HS3ST4: variants seen among roughly 807,000 people sequenced by gnomAD.
HS3ST4 encodes the protein heparan sulfate-glucosamine 3-sulfotransferase 4.
A neutral mutation model predicts 29.2 loss-of-function variants in HS3ST4; 17 were observed. That is an observed-to-expected ratio of 0.58 (90% CI 0.40 to 0.87). HS3ST4 has a LOEUF of 0.87. HS3ST4 is among the 40% of genes least tolerant of loss of function. HS3ST4 has a pLI of 0.00. For missense variants in HS3ST4, 627 were observed against 634.5 expected (o/e 0.99, Z 0.13); for synonymous variants, 314 against 285.7 (o/e 1.10, Z -1.00).
Position 26,136,198 on chromosome 16 carries a change from C to A in HS3ST4, c.1321C>A (p.Gln441Lys), listed in dbSNP as rs1898282125. Reference sequence around the variant, plus strand: ...CAAACCCTTCAACTTGATGTTTTACCAAATGACTGGTCAAGATTTTCAGTG... The same window carrying A: ...CAAACCCTTCAACTTGATGTTTTACAAAATGACTGGTCAAGATTTTCAGTG... ...FYKPFNLMFY[Q>K]MTGQDFQWEQ... The change falls in exon 2 of 2, where the codon CAA (glutamine) becomes AAA (lysine). Residue 441 changes from glutamine to lysine, a missense_variant. This residue lies in a region of HS3ST4 where 225 missense variants were observed against 293.7 expected (regional missense o/e 0.77). Coordinates refer to ENST00000331351, the MANE Select transcript of HS3ST4 (RefSeq NM_006040.3). The A allele has an allele frequency of 2.5e-6, 4 of 1,613,286 alleles. No homozygotes were observed. In the East Asian group the frequency reaches 8.9e-5, roughly 36 times the overall value.
intron 1 of HS3ST4, among the ~76,000 whole-genome samples, chr16:25,883,145 ATTTTTTTTT>A (rs10581302): frequency 1.2e-3 from 175 of 142,102 alleles, no homozygotes; most frequent in African/African-American, 4.4e-3. Context: ...GGCCCATACG[ATTTTTTTTT>A]TTTTTTTTTT....
At chr16:25,836,517 C>T (rs1364565061) in intron 1 of HS3ST4, among the ~76,000 whole-genome samples, 18 of 152,140 alleles carry the variant, frequency 1.2e-4, no homozygotes, top group Admixed American at 1.2e-3. Flanking sequence ...ACAAATCTAA[C>T]AAATAATTAT....
At chr16:26,131,669 C>G (rs1040228171) in intron 1 of HS3ST4, among the ~76,000 whole-genome samples, 14 of 152,174 alleles carry the variant, frequency 9.2e-5, no homozygotes, top group Non-Finnish European at 1.8e-4. Flanking sequence ...AGGAGGGATG[C>G]CTCCTCTAAT....
At chr16:25,696,691 T>C (rs1340741072) in intron 1 of HS3ST4, among the ~76,000 whole-genome samples, 1 of 152,146 alleles carries the variant, frequency 6.6e-6, no homozygotes, top group African/African-American at 2.4e-5. Context: ...ACACATTCCA[T>C]TGGCTAGGGG....
intron 1 of HS3ST4, among the ~76,000 whole-genome samples, chr16:25,944,264 CA>C (rs1276371514): frequency 6.6e-6 from 1 of 152,222 alleles, no homozygotes; most frequent in Non-Finnish European, 1.5e-5. Flanking sequence ...CCCTCAACAG[CA>C]AGAGGGGACC....
intron 1 of HS3ST4, among the ~76,000 whole-genome samples, chr16:25,743,895 C>G (rs972210430): frequency 6.6e-6 from 1 of 152,174 alleles, no homozygotes; most frequent in African/African-American, 2.4e-5. Context: ...TCTTACTGTT[C>G]TAGAACTTGC....
At chr16:26,044,495 C>A (rs1309617951) in intron 1 of HS3ST4, among the ~76,000 whole-genome samples, 1 of 152,176 alleles carries the variant, frequency 6.6e-6, no homozygotes, top group African/African-American at 2.4e-5. Flanking sequence ...GGGTTATGCA[C>A]CCCAACTCCA....
At chr16:25,781,027 C>A (rs1966852107) in intron 1 of HS3ST4, among the ~76,000 whole-genome samples, 1 of 152,228 alleles carries the variant, frequency 6.6e-6, no homozygotes, top group Non-Finnish European at 1.5e-5. Context: ...AATATGGAAG[C>A]CTGTGCAATT....
At chr16:26,102,898 A>G (rs1459772652) in intron 1 of HS3ST4, among the ~76,000 whole-genome samples, 1 of 152,224 alleles carries the variant, frequency 6.6e-6, no homozygotes, top group Non-Finnish European at 1.5e-5. Flanking sequence ...CAAGAGCCCA[A>G]GCTGGTAACT....
intron 1 of HS3ST4, among the ~76,000 whole-genome samples, chr16:25,734,578 G>A (rs1418175065): frequency 6.6e-6 from 1 of 152,142 alleles, no homozygotes; most frequent in African/African-American, 2.4e-5. Context: ...ATGGAGCTCA[G>A]AAAGATGTAA....
At chr16:26,114,891 T>C (rs1342758912) in intron 1 of HS3ST4, among the ~76,000 whole-genome samples, 1 of 152,018 alleles carries the variant, frequency 6.6e-6, no homozygotes. Flanking sequence ...ATTAGGGAAA[T>C]ACTCAAGAAA....
intron 1 of HS3ST4, among the ~76,000 whole-genome samples, chr16:25,963,324 A>G (rs1457482048): frequency 6.6e-6 from 1 of 152,096 alleles, no homozygotes; most frequent in Non-Finnish European, 1.5e-5. Context: ...TCAAGTCTGC[A>G]GTGATTTACT....
At chr16:25,980,048 C>A (rs1417740068) in intron 1 of HS3ST4, among the ~76,000 whole-genome samples, 1 of 152,156 alleles carries the variant, frequency 6.6e-6, no homozygotes, top group African/African-American at 2.4e-5. Flanking sequence ...GGTCTTCCTG[C>A]CTCTGGTCAT....
intron 1 of HS3ST4, among the ~76,000 whole-genome samples, chr16:25,998,692 G>T (rs1213462231): frequency 2.6e-5 from 4 of 152,120 alleles, no homozygotes; most frequent in Non-Finnish European, 2.9e-5. Context: ...TTCCTGGGAT[G>T]AATTTTCCTC....
chr16:26,075,735 C>T (rs751293235), intron 1 of HS3ST4, among the ~76,000 whole-genome samples: 8 of 152,148 alleles, frequency 5.3e-5, no homozygotes, highest in Non-Finnish European at 1.0e-4. Flanking sequence ...CTGATACATT[C>T]CCAAAGAACA....
chr16:25,711,199 C>T (rs1336148951), intron 1 of HS3ST4, among the ~76,000 whole-genome samples: 5 of 151,926 alleles, frequency 3.3e-5, no homozygotes, highest in Non-Finnish European at 7.4e-5. Context: ...TACTTACTGT[C>T]GTTTGGTTTA....
intron 1 of HS3ST4, among the ~76,000 whole-genome samples, chr16:25,760,550 C>G (rs934786934): frequency 4.6e-5 from 7 of 151,920 alleles, no homozygotes. Flanking sequence ...TCCCAAGTAG[C>G]TAGGATTACA....
chr16:25,700,252 G>A (rs1442825591), intron 1 of HS3ST4, among the ~76,000 whole-genome samples: 1 of 152,150 alleles, frequency 6.6e-6, no homozygotes, highest in Non-Finnish European at 1.5e-5. Context: ...AAAGAAATGC[G>A]GTAAGGAGGT....
intron 1 of HS3ST4, among the ~76,000 whole-genome samples, chr16:26,076,752 C>T (rs2141780086): frequency 6.6e-6 from 1 of 152,276 alleles, no homozygotes; most frequent in Non-Finnish European, 1.5e-5. Context: ...GAAGTAGCCA[C>T]TGCTTGTAAG....
Sources: allele counts gnomAD v4.1 joint callset (sites outside exome capture counted in the v4.1 genomes callset), GRCh38; gene constraint gnomAD v4.1.1; regional missense constraint gnomAD v4.1.1; transcripts MANE v1.5; gene names NCBI Gene and HGNC (gene_info 2026-07-23, HGNC 2026-07-21).